MAD1L1: variants seen among roughly 807,000 people sequenced by gnomAD.
MAD1L1 encodes the protein mitotic spindle assembly checkpoint protein MAD1.
MAD1L1 carries 95 observed loss-of-function variants against 96.9 expected under a neutral mutation model. The ratio of observed to expected loss-of-function variants is 0.98; its 90% CI spans 0.83 to 1.16. The LOEUF is 1.16. MAD1L1 is among the 50% of genes most tolerant of loss of function. MAD1L1 has a pLI of 0.00. For missense variants in MAD1L1, 1,007 were observed against 954.4 expected (o/e 1.06, Z -0.73); for synonymous variants, 473 against 396.6 (o/e 1.19, Z -2.29).
intron 5 of MAD1L1, chr7:2,221,008 G>A (rs989229998): frequency 3.3e-5 from 53 of 1,612,244 alleles, no homozygotes; most frequent in Non-Finnish European, 4.1e-5. Context: ...AGTAAGGAGC[G>A]TGACAATCAG....
chr7:1,833,071 T>C (rs1453323728), intron 18 of MAD1L1, among the ~76,000 whole-genome samples: 1 of 152,236 alleles, frequency 6.6e-6, no homozygotes, highest in African/African-American at 2.4e-5. Flanking sequence ...GGGTGATCAT[T>C]AGCATTTTTA....
rs531857566 is a variant in MAD1L1, at chr7:2,136,997, G to A, written c.1073+12155C>T. ...GATGCCCTGGGCTTGGCAGTGCCGGGCATGAGAGAGGAGGCCTCGAGGACC... is the reference window on the plus strand; with the variant it reads ...GATGCCCTGGGCTTGGCAGTGCCGGACATGAGAGAGGAGGCCTCGAGGACC... On this transcript the variant is annotated intron_variant, in intron 11 of 18. Coordinates refer to ENST00000265854, the MANE Select transcript of MAD1L1 (RefSeq NM_001013836.2). 7.2e-5 allele frequency among the ~76,000 whole-genome samples: 11 copies of A among 152,318 alleles called. No individual in the cohort carries two copies. In the East Asian group the frequency reaches 2.1e-3, roughly 29 times the overall value.
rs118015041 is a variant in MAD1L1, at chr7:1,887,101, G to C, written c.1998+11099C>G. On this transcript the variant is annotated intron_variant, in intron 18 of 18. Transcript: ENST00000265854. ...CTTGAAACACTCACTCAGGCTAGGG[G>C]GGCTCCGGCTGGGCCCATGCTGCCT... Among the ~76,000 whole-genome samples the C allele has an allele frequency of 1.3e-3, 199 of 152,378 alleles. 8 individuals are homozygous for C. The East Asian group carries it at 0.038, about 29-fold the overall frequency.
chr7:2,214,335 C>T (rs1038637327), intron 9 of MAD1L1, among the ~76,000 whole-genome samples: 13 of 152,250 alleles, frequency 8.5e-5, no homozygotes, highest in African/African-American at 2.4e-4. Context: ...TCAGGCTAAG[C>T]TCCTACAGAA....
intron 5 of MAD1L1, among the ~76,000 whole-genome samples, chr7:2,221,420 C>T (rs1327277840): frequency 1.3e-5 from 2 of 152,284 alleles, no homozygotes; most frequent in East Asian, 1.9e-4. Context: ...AGCCTGAACA[C>T]GCCTCCCCAG....
At chr7:1,950,986 G>A (rs1202118776) in intron 16 of MAD1L1, among the ~76,000 whole-genome samples, 1 of 152,262 alleles carries the variant, frequency 6.6e-6, no homozygotes, top group African/African-American at 2.4e-5. Context: ...CATGCTTCCT[G>A]GGAGGAGGAG....
intron 18 of MAD1L1, among the ~76,000 whole-genome samples, chr7:1,838,084 T>A (rs1276074707): frequency 2.0e-5 from 3 of 152,200 alleles, no homozygotes; most frequent in Non-Finnish European, 4.4e-5. Flanking sequence ...CCTAACCCCG[T>A]GCAGGGGCTG....
At chr7:2,127,608 A>G (rs1021073556) in intron 11 of MAD1L1, among the ~76,000 whole-genome samples, 9 of 152,070 alleles carry the variant, frequency 5.9e-5, no homozygotes, top group African/African-American at 1.7e-4. Context: ...TAGGGTGGGG[A>G]AAAAAGGCAA....
chr7:1,853,313 C>T (rs564305378), intron 18 of MAD1L1, among the ~76,000 whole-genome samples: 7 of 152,306 alleles, frequency 4.6e-5, no homozygotes, highest in Admixed American at 2.0e-4. Context: ...GGAGCTGACA[C>T]CTGCCTCCCC....
At chr7:2,102,639 T>C (rs1288906637) in intron 11 of MAD1L1, among the ~76,000 whole-genome samples, 1 of 150,040 alleles carries the variant, frequency 6.7e-6, no homozygotes. Flanking sequence ...CGCACCATCA[T>C]CGCCACTGTC....
At chr7:2,101,071 A>C (rs1024865638) in intron 11 of MAD1L1, among the ~76,000 whole-genome samples, 6 of 152,194 alleles carry the variant, frequency 3.9e-5, no homozygotes, top group Non-Finnish European at 8.8e-5. Context: ...GAGTGCTGCC[A>C]ATTTGTTTTC....
intron 18 of MAD1L1, among the ~76,000 whole-genome samples, chr7:1,851,234 A>G (rs1202312556): frequency 6.6e-6 from 1 of 151,978 alleles, no homozygotes; most frequent in Admixed American, 6.5e-5. Flanking sequence ...ACAGGGTGGA[A>G]GGTGGGGGTG....
At chr7:2,058,138 A>G (rs1784462674) in intron 12 of MAD1L1, among the ~76,000 whole-genome samples, 1 of 63,126 alleles carries the variant, frequency 1.6e-5, no homozygotes, top group Non-Finnish European at 2.8e-5. Flanking sequence ...GGGGCTGGAG[A>G]GGGAGTGTGG....
chr7:2,019,602 G>A (rs1184375045), intron 12 of MAD1L1, among the ~76,000 whole-genome samples: 1 of 152,226 alleles, frequency 6.6e-6, no homozygotes, highest in Non-Finnish European at 1.5e-5. Flanking sequence ...CAGCAAGGAG[G>A]GCCACTTACG....
intron 12 of MAD1L1, 24 bp from the exon 13 acceptor site, chr7:2,014,666 T>C (rs2128498226): frequency 6.3e-7 from 1 of 1,591,528 alleles, no homozygotes; most frequent in Non-Finnish European, 8.6e-7. Context: ...GGGCAGCTGA[T>C]CAGGACCCGG....
At chr7:2,106,056 A>T (rs1008677991) in intron 11 of MAD1L1, among the ~76,000 whole-genome samples, 86 of 15,584 alleles carry the variant, frequency 5.5e-3, no homozygotes, top group Admixed American at 0.014. Flanking sequence ...ACGAAGCCCC[A>T]CCCCCCAGAC....
intron 18 of MAD1L1, among the ~76,000 whole-genome samples, chr7:1,871,229 C>G (rs1369310815): frequency 7.0e-6 from 1 of 143,830 alleles, no homozygotes; most frequent in African/African-American, 2.7e-5. Context: ...CCACGCTGAA[C>G]CCAACATACG....
chr7:1,998,586 C>T (rs148832158), intron 14 of MAD1L1, among the ~76,000 whole-genome samples: 1 of 152,150 alleles, frequency 6.6e-6, no homozygotes, highest in African/African-American at 2.4e-5. Context: ...TGGGAGCATC[C>T]CTCCACCCAC....
intron 18 of MAD1L1, among the ~76,000 whole-genome samples, chr7:1,890,905 G>A (rs1296854258): frequency 6.6e-6 from 1 of 152,162 alleles, no homozygotes. Flanking sequence ...TTCCTGTCTG[G>A]GATTTCCACA....
Sources: gnomAD v4.1 joint callset for allele counts (sites outside exome capture counted in the v4.1 genomes callset) on GRCh38, gnomAD v4.1.1 for gene constraint, MANE v1.5 for transcripts, NCBI Gene and HGNC (gene_info 2026-07-23, HGNC 2026-07-21) for gene names.